ZSCAN25: variants seen among roughly 807,000 people sequenced by gnomAD.
ZSCAN25 encodes the protein zinc finger and SCAN domain containing 25.
In ZSCAN25, 27 loss-of-function variants were observed where a neutral mutation model predicts 38.7. That is an observed-to-expected ratio of 0.70 (90% CI 0.51 to 0.96). The LOEUF (loss-of-function observed/expected upper bound fraction) is 0.96, where lower values mean the gene tolerates loss of function less well. Ranked by LOEUF, ZSCAN25 falls within the 40% of genes least tolerant of loss-of-function variation. The pLI, the probability that ZSCAN25 is intolerant of heterozygous loss-of-function variation, is 0.00. For missense variants in ZSCAN25, 637 were observed against 705.9 expected (o/e 0.90, Z 1.11); for synonymous variants, 273 against 277.7 (o/e 0.98, Z 0.17).
At chr7:99,691,572 G>A in the ZSCAN25 span, among the ~76,000 whole-genome samples, 6 of 152,134 alleles carry the variant, frequency 3.9e-5, no homozygotes, top group Admixed American at 1.3e-4. Context: ...ATGAATCTGG[G>A]TGCTCCTGTA....
intron 1 of ZSCAN25, among the ~76,000 whole-genome samples, chr7:99,617,355 T>C (rs1806556602): frequency 6.6e-6 from 1 of 152,154 alleles, no homozygotes; most frequent in African/African-American, 2.4e-5. Context: ...AGTAATCACA[T>C]AGGACACTTA....
At chr7:99,693,629 C>T in the ZSCAN25 span, among the ~76,000 whole-genome samples, 2 of 152,244 alleles carry the variant, frequency 1.3e-5, no homozygotes, top group Non-Finnish European at 2.9e-5. Context: ...TGATACCCCT[C>T]CTCTATCAAG....
At chr7:99,640,168 G>T in the ZSCAN25 span, among the ~76,000 whole-genome samples, 2 of 152,110 alleles carry the variant, frequency 1.3e-5, no homozygotes, top group Non-Finnish European at 2.9e-5. Flanking sequence ...CTCCTTTATT[G>T]ATTGATTGAG....
chr7:99,651,191 C>T, the ZSCAN25 span, among the ~76,000 whole-genome samples: 4 of 151,912 alleles, frequency 2.6e-5, no homozygotes. Flanking sequence ...TGGAGATGCA[C>T]GAAAACTATT....
downstream of ZSCAN25, among the ~76,000 whole-genome samples, chr7:99,635,689 A>G (rs1194080677): frequency 1.4e-5 from 2 of 143,658 alleles, no homozygotes; most frequent in Non-Finnish European, 2.9e-5. Flanking sequence ...GCTCCCAGTT[A>G]TTTTAAGACA....
chr7:99,714,575 G>A, the ZSCAN25 span: 10 of 1,612,526 alleles, frequency 6.2e-6, no homozygotes, highest in South Asian at 1.1e-5. Context: ...TCTTTGAGGC[G>A]ACCTTCTTTT....
chr7:99,630,325 A>C lies in ZSCAN25; in HGVS notation c.*305A>C. The C allele has an allele frequency of 8.6e-7, 1 of 1,166,684 alleles. No individual in the cohort carries two copies. Among genetic ancestry groups the C allele is most frequent in the African/African-American group, 1.6e-5 (1 of 63,164 alleles). 72.3% of individuals were successfully genotyped at this position (1,166,684 alleles called of 1,614,324 possible). A position where few individuals can be genotyped will look rare whatever the true frequency, so the allele number is the denominator to read the frequency against. On this transcript the variant is annotated 3_prime_UTR_variant, in exon 8 of 8. Transcript: ENST00000394152. ...TGTCCCCCTGCCGAACAAAGCTGGG[A>C]GTAAAGGCAAAACCTTGACACGTGT...
intron 4 of ZSCAN25, 132 bp from the exon 5 acceptor site, chr7:99,621,241 C>A: frequency 1.3e-6 from 1 of 755,804 alleles, no homozygotes; most frequent in Non-Finnish European, 1.9e-6. Flanking sequence ...AAGAGCTCAG[C>A]TGATTTTTCC....
Position 99,629,199 on chromosome 7 carries a change from A to G in ZSCAN25, c.814A>G (p.Ser272Gly), listed in dbSNP as rs76415058. Reference protein sequence around the residue: ...QDCRVSPGGGSKEKEAKPPQE... With the variant: ...QDCRVSPGGGGKEKEAKPPQE... Reference sequence around the variant, plus strand: ...CTCCTCCTGTCCTGTAGGCGGTGGGAGCAAGGAAAAGGAGGCAAAACCCCC... The same window carrying G: ...CTCCTCCTGTCCTGTAGGCGGTGGGGGCAAGGAAAAGGAGGCAAAACCCCC... The change falls in exon 8 of 8, where the codon AGC (serine) becomes GGC (glycine). Residue 272 changes from serine (S) to glycine (G), a missense_variant. Physicochemically the swap from Ser to Gly is moderately conservative, Grantham distance 56. Coordinates refer to ENST00000394152, the MANE Select transcript of ZSCAN25 (RefSeq NM_145115.3). The surrounding 1 kb of genome is among the most constrained non-coding windows in gnomAD (Gnocchi z 5.6). 1 of 1,609,254 alleles carries G rather than the reference A, an allele frequency of 6.2e-7. No homozygotes were observed. Among genetic ancestry groups the G allele is most frequent in the Non-Finnish European group, 8.5e-7 (1 of 1,177,746 alleles).
chr7:99,713,532 G>A, the ZSCAN25 span: 52 of 1,613,344 alleles, frequency 3.2e-5, no homozygotes, highest in South Asian at 1.3e-4. Flanking sequence ...AAATCCACTC[G>A]GTGCTAGAAG....
chr7:99,686,930 C>T, the ZSCAN25 span, among the ~76,000 whole-genome samples: 3 of 152,172 alleles, frequency 2.0e-5, no homozygotes, highest in African/African-American at 7.2e-5. Flanking sequence ...CTGGAGTGGA[C>T]CTCTAGCAAA....
At position 99,622,652 on chromosome 7, in the gene ZSCAN25, C is replaced by G; in HGVS notation, c.681+12C>G. 1 of 1,613,050 alleles carries G rather than the reference C, an allele frequency of 6.2e-7. No individual in the cohort carries two copies. The highest frequency in any genetic ancestry group is 8.5e-7 in the Non-Finnish European group (1 of 1,179,214). ...CTGCTGGATCGCAGGTGAGCTCTGA[C>G]TCCCTTTGCAGAAATCATGACCGTT... On this transcript the variant is annotated intron_variant, in intron 6 of 7. Coordinates refer to ENST00000394152, the MANE Select transcript of ZSCAN25 (RefSeq NM_145115.3).
the ZSCAN25 span, among the ~76,000 whole-genome samples, chr7:99,662,258 A>G: frequency 6.6e-6 from 1 of 152,252 alleles, no homozygotes; most frequent in Non-Finnish European, 1.5e-5. This position sits in a 1 kb window ranked among gnomAD's most constrained non-coding sequence, Gnocchi z 4.3. Flanking sequence ...CCACTGTCTT[A>G]GTAATAATGG....
chr7:99,653,787 T>A, the ZSCAN25 span, among the ~76,000 whole-genome samples: 1 of 152,180 alleles, frequency 6.6e-6, no homozygotes, highest in Non-Finnish European at 1.5e-5. The surrounding 1 kb of genome is among the most constrained non-coding windows in gnomAD (Gnocchi z 4.2). Flanking sequence ...GTCTGAAAAC[T>A]GTGGATGATA....
At chr7:99,649,405 C>G in the ZSCAN25 span, among the ~76,000 whole-genome samples, 1 of 152,212 alleles carries the variant, frequency 6.6e-6, no homozygotes, top group Non-Finnish European at 1.5e-5. Flanking sequence ...TGTTCTTTAA[C>G]TTCTTCAGAG....
At chr7:99,727,998 T>C in the ZSCAN25 span, among the ~76,000 whole-genome samples, 1 of 152,182 alleles carries the variant, frequency 6.6e-6, no homozygotes, top group Non-Finnish European at 1.5e-5. Context: ...ACCCCATTGC[T>C]CAAGGCAACA....
chr7:99,709,521 A>G, the ZSCAN25 span, among the ~76,000 whole-genome samples: 1 of 152,198 alleles, frequency 6.6e-6, no homozygotes, highest in Non-Finnish European at 1.5e-5. Flanking sequence ...TAGCATAACC[A>G]TGTAGTGGTT....
At chr7:99,698,640 C>A in the ZSCAN25 span, among the ~76,000 whole-genome samples, 1 of 152,014 alleles carries the variant, frequency 6.6e-6, no homozygotes, top group African/African-American at 2.4e-5. Context: ...ATATCGCAGT[C>A]TTGTCTTAGC....
chr7:99,720,359 T>C, the ZSCAN25 span: 5 of 1,613,672 alleles, frequency 3.1e-6, no homozygotes, highest in East Asian at 1.1e-4. Context: ...TAGCACTGTT[T>C]TGATCATGTC....
Sources: allele counts gnomAD v4.1 joint callset (sites outside exome capture counted in the v4.1 genomes callset), GRCh38; gene constraint gnomAD v4.1.1; non-coding constraint Gnocchi (gnomAD v3.1); transcripts MANE v1.5; gene names NCBI Gene and HGNC (gene_info 2026-07-23, HGNC 2026-07-21).